The following PLA2G7 variants were observed in gnomAD, a reference collection of about 807,000 sequenced individuals.
PLA2G7 encodes the protein platelet-activating factor acetylhydrolase.
Under a neutral mutation model 49.6 loss-of-function variants are expected in PLA2G7, and 63 were observed. The ratio of observed to expected loss-of-function variants is 1.27; its 90% CI spans 1.04 to 1.57. The LOEUF (loss-of-function observed/expected upper bound fraction) is 1.57, where lower values mean the gene tolerates loss of function less well. PLA2G7 is among the 40% of genes most tolerant of loss of function. PLA2G7 has a pLI of 0.00. For synonymous variants in PLA2G7, 193 were observed against 169.9 expected (o/e 1.14, Z -1.06); for missense variants, 596 against 521.2 (o/e 1.14, Z -1.40).
chr6:46,720,679 T>C (rs1384456781), intron 2 of PLA2G7, among the ~76,000 whole-genome samples: 1 of 152,198 alleles, frequency 6.6e-6, no homozygotes, highest in African/African-American at 2.4e-5. Context: ...AGTTTTGTGG[T>C]TCAGAATTTA....
chr6:46,719,078 T>C (rs191521539), intron 2 of PLA2G7, among the ~76,000 whole-genome samples: 30 of 152,336 alleles, frequency 2.0e-4, no homozygotes, highest in Non-Finnish European at 7.3e-5. Context: ...ATCAAATCCA[T>C]ATTTAATTAC....
Position 46,705,225 on chromosome 6 carries a change from C to T in PLA2G7, c.1117G>A (p.Gly373Arg). ...KIIGHMLKLK[G>R]DIDSNVAIDL... ...ATAGCTACATTTGAATCTATGTCTCCCTTTAATTTGAGCATGTGTCCAATT... is the reference window on the plus strand; with the variant it reads ...ATAGCTACATTTGAATCTATGTCTCTCTTTAATTTGAGCATGTGTCCAATT... The change falls in exon 11 of 12, where the codon GGA becomes AGA. Residue 373 changes from glycine to arginine, a missense_variant. Transcript: ENST00000274793. The T allele has an allele frequency of 6.2e-7, 1 of 1,608,234 alleles. No individual in the cohort carries two copies. The highest frequency in any genetic ancestry group is 8.5e-7 in the Non-Finnish European group (1 of 1,174,956).
intron 1 of PLA2G7, among the ~76,000 whole-genome samples, chr6:46,730,579 G>T (rs1765707475): frequency 6.6e-6 from 1 of 152,016 alleles, no homozygotes; most frequent in Non-Finnish European, 1.5e-5. Context: ...CTATTTGGAT[G>T]GTGCAAACTG....
intron 2 of PLA2G7, among the ~76,000 whole-genome samples, chr6:46,721,661 C>T (rs1376815235): frequency 2.0e-5 from 3 of 150,366 alleles, no homozygotes; most frequent in African/African-American, 7.4e-5. Context: ...TTTGACTACA[C>T]ATTTATTGTC....
In PLA2G7 at chr6:46,704,424, G is replaced by C; in HGVS notation, c.*136C>G. 1.5e-6 allele frequency: 1 copy of C among 689,488 alleles called. No individual in the cohort carries two copies. The highest frequency in any genetic ancestry group is 1.8e-5 in the African/African-American group (1 of 55,768). 42.7% of individuals were successfully genotyped at this position (689,488 alleles called of 1,614,324 possible). A position where few individuals can be genotyped will look rare whatever the true frequency, so the allele number is the denominator to read the frequency against. ...CTACATTTTAAAATATGAGTCCTTT[G>C]GGAAAATACATTAAAATTCTCTCTC... On this transcript the variant is annotated 3_prime_UTR_variant, in exon 12 of 12. Transcript: ENST00000274793.
Position 46,714,555 on chromosome 6 carries a change from T to C in PLA2G7, c.377-2A>G. 6.5e-7 allele frequency: 1 copy of C among 1,544,884 alleles called. No individual in the cohort carries two copies. Among genetic ancestry groups the C allele is most frequent in the Non-Finnish European group, 9.0e-7 (1 of 1,116,928 alleles). On this transcript the variant is annotated splice_acceptor_variant, in intron 4 of 11. Transcript: ENST00000274793. LOFTEE classifies it high-confidence loss of function. ...AGTTTGCAGGAGTTGTCATTGAACCTAGACAACAATGGAAGGTTATAGTTA... is the reference window on the plus strand; with the variant it reads ...AGTTTGCAGGAGTTGTCATTGAACCCAGACAACAATGGAAGGTTATAGTTA...
At chr6:46,719,511 C>A (rs1765325724) in intron 2 of PLA2G7, among the ~76,000 whole-genome samples, 1 of 152,168 alleles carries the variant, frequency 6.6e-6, no homozygotes, top group Non-Finnish European at 1.5e-5. Flanking sequence ...GCCTGACACA[C>A]AGGTCAGCAA....
In PLA2G7 at chr6:46,731,929, C is replaced by T. The variant is rs45481098; in HGVS notation, c.-35+3251G>A. Among the ~76,000 whole-genome samples the T allele has an allele frequency of 7.6e-3, 1,154 of 152,242 alleles. 9 individuals carry two copies. Among genetic ancestry groups the T allele is most frequent in the African/African-American group, 0.027 (1,108 of 41,538 alleles). On this transcript the variant is annotated intron_variant, in intron 1 of 11. Coordinates refer to ENST00000274793, the MANE Select transcript of PLA2G7 (RefSeq NM_005084.4). ...TGCTACCACCCCCCATCAGTAAACT[C>T]GCTTCTGGCCTTCTTCTGTCCCCTC... is the stretch of plus-strand genomic sequence containing the variant.
chr6:46,726,619 A>ACCCCAATC lies in PLA2G7; in HGVS notation c.-34-3702_-34-3695dup, dbSNP rs376119796. 2.6e-5 allele frequency among the ~76,000 whole-genome samples: 4 copies of ACCCCAATC among 152,034 alleles called. No homozygotes were observed. The East Asian group carries it at 7.8e-4, about 29-fold the overall frequency. ...TATTGTATGAAAATCTATTACCATA[A>ACCCCAATC]CCCCAATCACTGGTCAATACAAAAA... On this transcript the variant is annotated intron_variant, in intron 1 of 11. Transcript: ENST00000274793.
intron 9 of PLA2G7, 145 bp from the exon 10 acceptor site, chr6:46,708,306 T>G: frequency 1.4e-6 from 1 of 713,594 alleles, no homozygotes; most frequent in East Asian, 2.6e-5. Context: ...GGTATCATAC[T>G]TCAATGTGGG....
intron 8 of PLA2G7, among the ~76,000 whole-genome samples, chr6:46,709,664 C>T (rs998307337): frequency 6.6e-6 from 1 of 152,088 alleles, no homozygotes; most frequent in African/African-American, 2.4e-5. Flanking sequence ...ACTTAATGTT[C>T]TTTGTAGTCA....
At position 46,714,488 on chromosome 6, in the gene PLA2G7, C is replaced by T. The variant is rs771055269; in HGVS notation, c.442G>A (p.Val148Ile). The change falls in exon 5 of 12, where the codon GTT (valine) becomes ATT (isoleucine). Residue 148 changes from valine (V) to isoleucine (I), a missense_variant. Coordinates refer to ENST00000274793, the MANE Select transcript of PLA2G7 (RefSeq NM_005084.4). ...LRPGEKYPLVVFSHGLGAFRT... is the reference protein window; with the variant it reads ...LRPGEKYPLVIFSHGLGAFRT... Reference sequence around the variant, plus strand: ...AATGCCCCAAGACCATGAGAAAAAACAACAAGTGGATATTTTTCACCAGGC... The same window carrying T: ...AATGCCCCAAGACCATGAGAAAAAATAACAAGTGGATATTTTTCACCAGGC... 1.9e-6 allele frequency: 3 copies of T among 1,612,228 alleles called. No homozygotes were observed. Among genetic ancestry groups the T allele is most frequent in the South Asian group, 2.2e-5 (2 of 91,032 alleles).
chr6:46,707,416 C>G (rs1764863731), intron 10 of PLA2G7, among the ~76,000 whole-genome samples: 2 of 152,136 alleles, frequency 1.3e-5, no homozygotes, highest in Admixed American at 6.6e-5. Context: ...ATTGGAATCC[C>G]CAGTGTCAGA....
At chr6:46,720,315 G>A (rs1166177409) in intron 2 of PLA2G7, among the ~76,000 whole-genome samples, 1 of 152,232 alleles carries the variant, frequency 6.6e-6, no homozygotes, top group African/African-American at 2.4e-5. Context: ...CAAAGGACAG[G>A]GGAACATTTT....
At chr6:46,726,637 T>C (rs139474143) in intron 1 of PLA2G7, among the ~76,000 whole-genome samples, 3 of 152,074 alleles carry the variant, frequency 2.0e-5, no homozygotes, top group Non-Finnish European at 4.4e-5. Flanking sequence ...CACTGGTCAA[T>C]ACAAAAACAC....
intron 1 of PLA2G7, among the ~76,000 whole-genome samples, chr6:46,728,044 CTGAA>C (rs1405639665): frequency 2.0e-5 from 3 of 152,154 alleles, no homozygotes; most frequent in Non-Finnish European, 4.4e-5. Flanking sequence ...TATAAAGTAA[CTGAA>C]TGAGACAAAA....
At chr6:46,723,206 C>G (rs1765457280) in intron 1 of PLA2G7, among the ~76,000 whole-genome samples, 2 of 152,152 alleles carry the variant, frequency 1.3e-5, no homozygotes, top group Non-Finnish European at 2.9e-5. Flanking sequence ...AACTTTATAA[C>G]AGTATGGTCA....
At chr6:46,714,439 G>C in intron 5 of PLA2G7, 21 bp downstream of exon 5, 1 of 1,490,388 alleles carries the variant, frequency 6.7e-7, no homozygotes, top group Non-Finnish European at 9.4e-7. Context: ...AGCCAAAATT[G>C]TTCAACCTCT....
At chr6:46,730,118 T>C (rs1765691029) in intron 1 of PLA2G7, among the ~76,000 whole-genome samples, 1 of 152,068 alleles carries the variant, frequency 6.6e-6, no homozygotes, top group Admixed American at 6.6e-5. Flanking sequence ...CAAATAAAGG[T>C]TCAGGACAAG....
Sources: allele counts gnomAD v4.1 joint callset (sites outside exome capture counted in the v4.1 genomes callset), GRCh38; gene constraint gnomAD v4.1.1; transcripts MANE v1.5; gene names NCBI Gene and HGNC (gene_info 2026-07-23, HGNC 2026-07-21).